The following LINGO2 variants were observed in gnomAD, a reference collection of about 807,000 sequenced individuals.
LINGO2 encodes leucine rich repeat and Ig domain containing 2, also known as leucine-rich repeat and immunoglobulin-like domain-containing nogo receptor-interacting protein 2.
A neutral mutation model predicts 30.6 loss-of-function variants in LINGO2; 14 were observed. The observed-to-expected ratio is 0.46, with a 90% confidence interval of 0.30 to 0.72. The LOEUF is 0.72. LINGO2 is among the 30% of genes least tolerant of loss of function. LINGO2 has a pLI of 0.07. For synonymous variants in LINGO2, 317 were observed against 288.5 expected, an observed-to-expected ratio of 1.10 and a Z score of -1.00; for missense variants, 729 against 751.7, an observed-to-expected ratio of 0.97 and a Z score of 0.35.
chr9:29,020,900 C>T, the LINGO2 span, among the ~76,000 whole-genome samples: 2 of 151,918 alleles, frequency 1.3e-5, no homozygotes, highest in Non-Finnish European at 2.9e-5. Context: ...TAAAACAAGG[C>T]ATTTTTAAAA....
At chr9:27,947,966 C>G (rs1231675794), downstream of LINGO2, 1 of 152,154 alleles carries the variant, frequency 6.6e-6, no homozygotes, top group African/African-American at 2.4e-5. Context: ...TAACACCTAC[C>G]TTGCATTTTA....
chr9:28,427,861 C>T (rs1823478297), intron 2 of LINGO2, among the ~76,000 whole-genome samples: 1 of 152,100 alleles, frequency 6.6e-6, no homozygotes, highest in South Asian at 2.1e-4. Context: ...TAATATAGAG[C>T]TCGGCATAAC....
rs188570497 is a variant in LINGO2 at position 28,242,492 on chromosome 9, G to T, written c.-87+52716C>A. On this transcript the variant is annotated intron_variant, in intron 4 of 5. Coordinates refer to ENST00000379992, the Ensembl canonical transcript of LINGO2. Reference sequence around the variant, plus strand: ...GCCTATGTAAAAAGACCAAACCAACGACTGATTGGAGTACCTGAAAGAGAC... The same window carrying T: ...GCCTATGTAAAAAGACCAAACCAACTACTGATTGGAGTACCTGAAAGAGAC... Among the ~76,000 whole-genome samples the T allele has an allele frequency of 2.9e-3, 443 of 152,168 alleles. 1 individual carries two copies. The highest frequency in any genetic ancestry group is 0.013 in the South Asian group (63 of 4,824).
In LINGO2 at chr9:28,057,795, A is replaced by G. The variant is rs544348611; in HGVS notation, c.-86-45390T>C. Reference sequence around the variant, plus strand: ...CACAGCTTTTTGGTGACAATCAAAAAGTATCTACTCTCTTCCGGCTACCCT... The same window carrying G: ...CACAGCTTTTTGGTGACAATCAAAAGGTATCTACTCTCTTCCGGCTACCCT... On this transcript the variant is annotated intron_variant, in intron 4 of 5. Transcript: ENST00000379992. Among the ~76,000 whole-genome samples the G allele has an allele frequency of 6.4e-4, 97 of 152,022 alleles. 1 individual carries two copies. In the South Asian group the frequency reaches 0.019, roughly 30 times the overall value.
the LINGO2 span, among the ~76,000 whole-genome samples, chr9:29,102,303 G>T: frequency 6.6e-6 from 1 of 151,982 alleles, no homozygotes; most frequent in African/African-American, 2.4e-5. Context: ...GTATGGTCTC[G>T]ATCTCCTGAT....
the LINGO2 span, among the ~76,000 whole-genome samples, chr9:28,714,188 T>TATATATATATATATATATATAG: frequency 1.4e-5 from 1 of 73,366 alleles, no homozygotes; most frequent in Non-Finnish European, 2.5e-5. Context: ...TATATATATA[T>TATATATATATATATATATATAG]ACACACATAC....
chr9:29,043,846 C>A, the LINGO2 span, among the ~76,000 whole-genome samples: 1 of 151,962 alleles, frequency 6.6e-6, no homozygotes, highest in African/African-American at 2.4e-5. Flanking sequence ...CTGGAAAGAA[C>A]CTCATTCATC....
At chr9:28,083,301 C>T (rs1275973213) in intron 4 of LINGO2, among the ~76,000 whole-genome samples, 1 of 152,162 alleles carries the variant, frequency 6.6e-6, no homozygotes, top group Non-Finnish European at 1.5e-5. Flanking sequence ...TCTAGACAAT[C>T]GTGCTTGGTC....
chr9:28,003,301 CATTTT>C, intron 5 of LINGO2, among the ~76,000 whole-genome samples: 1 of 151,696 alleles, frequency 6.6e-6, no homozygotes, highest in South Asian at 2.1e-4. Flanking sequence ...TTATCTCACT[CATTTT>C]TATTAGTTTT....
rs112050655 is a variant in LINGO2 at position 28,542,425 on chromosome 9, G to A, written c.-364-66400C>T. 1.9e-3 allele frequency among the ~76,000 whole-genome samples: 291 copies of A among 152,120 alleles called. 2 individuals are homozygous for A. Among genetic ancestry groups the A allele is most frequent in the African/African-American group, 6.7e-3 (277 of 41,538 alleles). On this transcript the variant is annotated intron_variant, in intron 1 of 5. Transcript: ENST00000379992. The stretch of plus-strand genomic sequence containing the variant: ...GCCCTCTGAGAGGCTCTTGTGCCAG[G>A]TAAGAGATCCAAATACATGAAGATT...
At chr9:27,972,520 A>G (rs1027696188) in intron 5 of LINGO2, among the ~76,000 whole-genome samples, 1 of 152,212 alleles carries the variant, frequency 6.6e-6, no homozygotes, top group Non-Finnish European at 1.5e-5. Context: ...TCCACAGTGC[A>G]GAGTCTGGAC....
intron 4 of LINGO2, among the ~76,000 whole-genome samples, chr9:28,100,824 TTGAC>T (rs1349306559): frequency 9.2e-5 from 14 of 152,166 alleles, no homozygotes; most frequent in Non-Finnish European, 4.4e-5. Flanking sequence ...AATTGATGAA[TTGAC>T]TGGGAATGAG....
chr9:28,946,420 T>C, the LINGO2 span, among the ~76,000 whole-genome samples: 1 of 152,108 alleles, frequency 6.6e-6, no homozygotes, highest in Non-Finnish European at 1.5e-5. Flanking sequence ...TGAAAAGCAA[T>C]ATAGCATAGG....
At chr9:29,020,966 G>A in the LINGO2 span, among the ~76,000 whole-genome samples, 3 of 152,044 alleles carry the variant, frequency 2.0e-5, no homozygotes, top group African/African-American at 7.2e-5. Context: ...CATAATAAAA[G>A]TCAAAGAAGA....
At chr9:28,506,280 A>T (rs1403438785) in intron 1 of LINGO2, among the ~76,000 whole-genome samples, 1 of 150,926 alleles carries the variant, frequency 6.6e-6, no homozygotes. Flanking sequence ...GTAAGATGTG[A>T]ATATTATACT....
At chr9:29,075,835 G>C in the LINGO2 span, among the ~76,000 whole-genome samples, 1 of 152,098 alleles carries the variant, frequency 6.6e-6, no homozygotes, top group Non-Finnish European at 1.5e-5. Flanking sequence ...TCTAATTAAT[G>C]CAGTGGTAGT....
chr9:28,288,913 T>C (rs1048936806), intron 4 of LINGO2, among the ~76,000 whole-genome samples: 19 of 152,226 alleles, frequency 1.2e-4, no homozygotes, highest in Non-Finnish European at 8.8e-5. Flanking sequence ...TGGGGCATAC[T>C]ATTATCAGGA....
At chr9:28,015,549 A>T (rs1822787641) in intron 4 of LINGO2, among the ~76,000 whole-genome samples, 1 of 152,166 alleles carries the variant, frequency 6.6e-6, no homozygotes, top group Non-Finnish European at 1.5e-5. Context: ...TGTCTGGAAA[A>T]ATGTCAATAA....
At chr9:27,948,811 C>T in exon 6 of LINGO2, 1 of 1,566,342 alleles carries the variant, frequency 6.4e-7, no homozygotes, top group Non-Finnish European at 8.6e-7. Flanking sequence ...TTACTGATTA[C>T]CCACATTGAC....
Sources: gnomAD v4.1 joint callset for allele counts (sites outside exome capture counted in the v4.1 genomes callset) on GRCh38, gnomAD v4.1.1 for gene constraint, MANE v1.5 for transcripts, NCBI Gene and HGNC (gene_info 2026-07-23, HGNC 2026-07-21) for gene names.